The following NCKAP1 variants were observed in gnomAD, a reference collection of about 807,000 sequenced individuals.
NCKAP1 encodes the protein NCK associated protein 1, also known as nck-associated protein 1.
NCKAP1 carries 21 observed loss-of-function variants against 151.2 expected under a neutral mutation model. That is an observed-to-expected ratio of 0.14 (90% CI 0.10 to 0.20). NCKAP1 has a LOEUF of 0.20. Ranked by LOEUF, NCKAP1 falls within the 10% of genes least tolerant of loss-of-function variation. The pLI is 1.00. For synonymous variants in NCKAP1, 484 were observed against 451.8 expected, an observed-to-expected ratio of 1.07 and a Z score of -0.90; for missense variants, 933 against 1,352.1, an observed-to-expected ratio of 0.69 and a Z score of 4.86.
chr2:182,928,823 C>T lies in NCKAP1; in HGVS notation c.3030G>A (p.Leu1010=). The T allele has an allele frequency of 1.2e-6, 2 of 1,611,836 alleles. No homozygotes were observed. Among genetic ancestry groups the T allele is most frequent in the Admixed American group, 1.7e-5 (1 of 59,886 alleles). Residue 1010 remains leucine, a synonymous_variant, in exon 28 of 31, where the codon CTG becomes CTA. Transcript: ENST00000361354. ...MVFVAVSLPT[L]ASNVMSQYSP... The stretch of plus-strand genomic sequence containing the variant: ...TGTACTGAGACATCACATTACTGGC[C>T]AGTGTTGGCAAAGAAACTGCCACAA...
intron 9 of NCKAP1, among the ~76,000 whole-genome samples, 187 bp downstream of exon 9, chr2:182,988,843 C>G (rs1461944573): frequency 6.6e-6 from 1 of 151,870 alleles, no homozygotes; most frequent in African/African-American, 2.4e-5. Context: ...TGTGAAGTTA[C>G]CTGTAAAAAA....
intron 26 of NCKAP1, among the ~76,000 whole-genome samples, chr2:182,934,042 A>G (rs1272556042): frequency 6.6e-6 from 1 of 152,176 alleles, no homozygotes; most frequent in Non-Finnish European, 1.5e-5. Flanking sequence ...TTAAAATTAC[A>G]GCCTACAATT....
At chr2:183,037,243 A>G (rs1157742611) in intron 1 of NCKAP1, among the ~76,000 whole-genome samples, 3 of 152,186 alleles carry the variant, frequency 2.0e-5, no homozygotes, top group Non-Finnish European at 1.5e-5. Context: ...TACGGTTTTT[A>G]TTTTGTACAG....
intron 4 of NCKAP1, 100 bp from the exon 5 acceptor site, chr2:183,002,369 G>T: frequency 1.2e-6 from 1 of 833,134 alleles, no homozygotes; most frequent in Non-Finnish European, 1.8e-6. Flanking sequence ...ATAATTTTCT[G>T]TATTTATTTT....
intron 15 of NCKAP1, among the ~76,000 whole-genome samples, chr2:182,968,101 G>A (rs1399021864): frequency 6.6e-6 from 1 of 152,140 alleles, no homozygotes; most frequent in Non-Finnish European, 1.5e-5. Context: ...TCAACCAGAT[G>A]GTGAACAGCC....
intron 28 of NCKAP1, 135 bp from the exon 29 acceptor site, chr2:182,928,361 T>C: frequency 1.7e-6 from 1 of 597,298 alleles, no homozygotes; most frequent in Non-Finnish European, 2.9e-6. Flanking sequence ...CCGGACTTGC[T>C]CTCCTTTGAC....
chr2:183,033,455 G>A (rs1471077332), intron 1 of NCKAP1, among the ~76,000 whole-genome samples: 2 of 152,036 alleles, frequency 1.3e-5, no homozygotes, highest in Non-Finnish European at 2.9e-5. Context: ...TCAAGACTCC[G>A]ACAATCCTAC....
chr2:182,946,755 G>GAAAAAAA (rs1697116429), intron 23 of NCKAP1, among the ~76,000 whole-genome samples: 1 of 135,698 alleles, frequency 7.4e-6, no homozygotes. Context: ...AAAAAAAAAG[G>GAAAAAAA]AAACAGCAGA....
intron 10 of NCKAP1, 80 bp from the exon 11 acceptor site, chr2:182,983,462 T>G: frequency 2.0e-6 from 2 of 993,274 alleles, no homozygotes; most frequent in South Asian, 3.2e-5. Flanking sequence ...GCATTATAGG[T>G]GCAACTTCCA....
chr2:182,963,192 C>CA (rs1237620824), intron 17 of NCKAP1, among the ~76,000 whole-genome samples: 2 of 151,178 alleles, frequency 1.3e-5, no homozygotes, highest in Non-Finnish European at 3.0e-5. Context: ...AAAGTCAAAT[C>CA]AAAAAAAAGA....
intron 1 of NCKAP1, among the ~76,000 whole-genome samples, chr2:183,026,288 T>C (rs1220690591): frequency 6.6e-6 from 1 of 151,900 alleles, no homozygotes; most frequent in African/African-American, 2.4e-5. Context: ...TAAATTAGCT[T>C]GTAGAGAAGT....
At position 183,001,992 on chromosome 2, in the gene NCKAP1, A is replaced by T. The variant is rs749683028; in HGVS notation, c.564T>A (p.Pro188=). The T allele has an allele frequency of 1.2e-6, 2 of 1,613,758 alleles. No individual in the cohort carries two copies. The stretch of plus-strand genomic sequence containing the variant: ...CAAATTCTTCCATCATCTTCTTTAA[A>T]GGGTTTTCATAATCCACAATCATCT... The part of the protein sequence containing the change: ...LGQMIVDYEN[P]LKKMMEEFVP... The change falls in exon 6 of 31, where the codon CCT becomes CCA. Residue 188 remains proline, a synonymous_variant. Coordinates refer to ENST00000361354, the MANE Select transcript of NCKAP1 (RefSeq NM_013436.5).
At chr2:182,955,807 TC>T (rs1182084307) in intron 20 of NCKAP1, among the ~76,000 whole-genome samples, 8 of 152,100 alleles carry the variant, frequency 5.3e-5, no homozygotes, top group African/African-American at 1.9e-4. Context: ...TTTCTTTCCC[TC>T]CCACTTTTCT....
In NCKAP1 at chr2:182,953,025, A is replaced by G; in HGVS notation, c.2372+88T>C. The G allele has an allele frequency of 2.0e-6, 3 of 1,476,266 alleles. 1 individual carries two copies. Among genetic ancestry groups the G allele is most frequent in the Middle Eastern group, 1.8e-4 (1 of 5,412 alleles). 91.4% of individuals were successfully genotyped at this position (1,476,266 alleles called of 1,614,324 possible). A position where few individuals can be genotyped will look rare whatever the true frequency, so the allele number is the denominator to read the frequency against. On this transcript the variant is annotated intron_variant, in intron 21 of 30. Coordinates refer to ENST00000361354, the MANE Select transcript of NCKAP1 (RefSeq NM_013436.5). ...AATTTTAAGTTGACTGATAATATGAATAAGTACTTATTCACAAAAAAATTA... is the reference window on the plus strand; with the variant it reads ...AATTTTAAGTTGACTGATAATATGAGTAAGTACTTATTCACAAAAAAATTA...
rs372590876 is a variant in NCKAP1, at chr2:182,983,289, G to T, written c.1098C>A (p.Pro366=). ...VLSDQPGLLG[P]KALFVFMALS... is the part of the protein sequence containing the mutation. ...AAATAATAATTAAATGAATTACCTT[G>T]GGACCTAGCAATCCAGGTTGATCAG... Residue 366 remains proline (P), a synonymous_variant, in exon 11 of 31, where the codon CCC becomes CCA. Transcript: ENST00000361354. 1.3e-4 allele frequency: 209 copies of T among 1,593,436 alleles called. 1 individual carries two copies. The highest frequency in any genetic ancestry group is 1.7e-4 in the Middle Eastern group (1 of 6,048).
In NCKAP1 at chr2:182,921,797, C is replaced by T. The variant is rs1318584054; in HGVS notation, c.*3905G>A. On this transcript the variant is annotated 3_prime_UTR_variant, in exon 31 of 31. Transcript: ENST00000361354. ...AGCGATGTGTAGGGAAAGTTTGGTT[C>T]ATGCAAAAATGAATGAAATTTTAAT... is the stretch of plus-strand genomic sequence containing the variant. The T allele has an allele frequency of 6.7e-6, 1 of 149,878 alleles. No homozygotes were observed. The highest frequency in any genetic ancestry group is 2.5e-5 in the African/African-American group (1 of 40,780). The allele number at this position is 149,878 out of a possible 1,614,324, so 9.3% of individuals were successfully genotyped here.
chr2:182,948,719 G>T (rs1336301146), intron 23 of NCKAP1, among the ~76,000 whole-genome samples: 1 of 152,132 alleles, frequency 6.6e-6, no homozygotes, highest in African/African-American at 2.4e-5. Context: ...ATAAGATGTG[G>T]AAAGCCATGG....
intron 8 of NCKAP1, among the ~76,000 whole-genome samples, chr2:182,994,476 T>TA (rs1437651255): frequency 6.6e-6 from 1 of 151,788 alleles, no homozygotes; most frequent in Non-Finnish European, 1.5e-5. Flanking sequence ...CCGCCTGTAC[T>TA]AAAAATACAA....
intron 1 of NCKAP1, among the ~76,000 whole-genome samples, chr2:183,032,369 T>C (rs1337726642): frequency 6.6e-6 from 1 of 152,216 alleles, no homozygotes; most frequent in Non-Finnish European, 1.5e-5. Context: ...AACACAGTCA[T>C]GCATTGCTTA....
Sources: gnomAD v4.1 joint callset for allele counts (sites outside exome capture counted in the v4.1 genomes callset) on GRCh38, gnomAD v4.1.1 for gene constraint, MANE v1.5 for transcripts, NCBI Gene and HGNC (gene_info 2026-07-23, HGNC 2026-07-21) for gene names.